Variants in CFAP46 observed in about 807,000 individuals in gnomAD.
CFAP46 encodes the protein cilia- and flagella-associated protein 46.
CFAP46 carries 245 observed loss-of-function variants against 325.7 expected under a neutral mutation model. The observed-to-expected ratio is 0.75, with a 90% CI of 0.68 to 0.84. The LOEUF (loss-of-function observed/expected upper bound fraction) is 0.84. CFAP46 is among the 40% of genes least tolerant of loss of function. CFAP46 has a pLI of 0.00. For synonymous variants in CFAP46, 1,523 were observed against 1,495.9 expected (o/e 1.02, Z -0.42); for missense variants, 3,346 against 3,543.0 (o/e 0.94, Z 1.41).
intron 44 of CFAP46, among the ~76,000 whole-genome samples, chr10:132,843,073 G>A (rs1409510033): frequency 2.0e-5 from 3 of 152,176 alleles, no homozygotes; most frequent in African/African-American, 7.2e-5. Context: ...CTCAGACAGG[G>A]TCTTTTCTTC....
chr10:132,891,826 T>A (rs1172421272), intron 25 of CFAP46, among the ~76,000 whole-genome samples: 2 of 152,214 alleles, frequency 1.3e-5, no homozygotes, highest in African/African-American at 4.8e-5. Context: ...AAATTGTCAA[T>A]CAGAAAATCT....
At chr10:132,858,427 A>G (rs1193860280) in intron 38 of CFAP46, among the ~76,000 whole-genome samples, 1 of 122,120 alleles carries the variant, frequency 8.2e-6, no homozygotes, top group African/African-American at 3.3e-5. Context: ...GGGCGGGGCC[A>G]GGGAGGCTTT....
chr10:132,841,314 A>T (rs780528024), intron 44 of CFAP46, among the ~76,000 whole-genome samples: 12 of 152,214 alleles, frequency 7.9e-5, no homozygotes, highest in Non-Finnish European at 1.8e-4. Context: ...TGGAGGCTCG[A>T]AGCAAGCCCC....
chr10:132,921,701 G>A lies in CFAP46; in HGVS notation c.1606+403C>T, dbSNP rs114610906. ...CTGACTGGTGTCCTTCCAAAGGGAG[G>A]AAACGAGGACACAGACCCCCAGAGG... On this transcript the variant is annotated intron_variant, in intron 13 of 57. Transcript: ENST00000368586. Among the ~76,000 whole-genome samples, 259 of 152,358 alleles carry A rather than the reference G, an allele frequency of 1.7e-3. 2 individuals carry two copies. The highest frequency in any genetic ancestry group is 6.0e-3 in the African/African-American group (249 of 41,594).
intron 17 of CFAP46, among the ~76,000 whole-genome samples, chr10:132,915,866 G>A (rs193213137): frequency 3.3e-5 from 5 of 152,214 alleles, no homozygotes; most frequent in East Asian, 1.9e-4. Flanking sequence ...TGATCACCAC[G>A]TTACACAGAT....
rs995662738 is a variant in CFAP46, at chr10:132,919,168, T to C, written c.1858+147A>G. On this transcript the variant is annotated intron_variant, in intron 15 of 57. Coordinates refer to ENST00000368586, the MANE Select transcript of CFAP46 (RefSeq NM_001200049.3). This position sits in a 1 kb window ranked among gnomAD's most constrained non-coding sequence, Gnocchi z 9.7. Reference sequence around the variant, plus strand: ...CCCCATGATTGGCGGTCCTGATAATTAGTGGGAACTGCTACCATTGTGACT... The same window carrying C: ...CCCCATGATTGGCGGTCCTGATAATCAGTGGGAACTGCTACCATTGTGACT... The C allele has an allele frequency of 1.0e-5, 9 of 872,558 alleles. No individual in the cohort carries two copies. The highest frequency in any genetic ancestry group is 1.5e-5 in the Non-Finnish European group (9 of 614,950). 54.1% of individuals were successfully genotyped at this position (872,558 alleles called of 1,614,324 possible).
rs1564789438 is a variant in CFAP46 at position 132,884,967 on chromosome 10, A to C, written c.3627+136T>G. ...AGGAGTGCCCGGGGCCACGCGGTGC[A>C]TTCTCTGTGCCCGTCAGCTGTGGCT... is the stretch of plus-strand genomic sequence containing the variant. On this transcript the variant is annotated intron_variant, in intron 27 of 57. Coordinates refer to ENST00000368586, the MANE Select transcript of CFAP46 (RefSeq NM_001200049.3). The surrounding 1 kb of genome is among the most constrained non-coding windows in gnomAD (Gnocchi z 5.4). The C allele has an allele frequency of 9.5e-6, 9 of 943,406 alleles. No individual in the cohort carries two copies. Among genetic ancestry groups the C allele is most frequent in the Non-Finnish European group, 1.4e-5 (9 of 650,536 alleles). The allele number at this position is 943,406 out of a possible 1,614,324, so 58.4% of individuals were successfully genotyped here.
chr10:132,854,328 T>G (rs1848607274), intron 39 of CFAP46, among the ~76,000 whole-genome samples: 1 of 147,010 alleles, frequency 6.8e-6, no homozygotes, highest in Non-Finnish European at 1.5e-5. Context: ...TTTCTGTGTT[T>G]TGTTTTGTTT....
chr10:132,860,684 C>G, intron 36 of CFAP46, 98 bp downstream of exon 36: 2 of 1,349,128 alleles, frequency 1.5e-6, no homozygotes, highest in Non-Finnish European at 2.0e-6. Flanking sequence ...GGCGTGTCAT[C>G]AGCGGTCTGC....
chr10:132,927,374 C>T (rs548187554), intron 9 of CFAP46, among the ~76,000 whole-genome samples: 2 of 152,144 alleles, frequency 1.3e-5, no homozygotes, highest in South Asian at 4.2e-4. Context: ...CGCCTCCGTC[C>T]CGGGGAGCAG....
At position 132,848,973 on chromosome 10, in the gene CFAP46, C is replaced by A. The variant is rs187075227; in HGVS notation, c.5952+1271G>T. 6.3e-3 allele frequency among the ~76,000 whole-genome samples: 957 copies of A among 152,266 alleles called. 11 individuals carry two copies. The highest frequency in any genetic ancestry group is 0.021 in the African/African-American group (874 of 41,546). ...ATACAGCCTTGAATACAAGAAAAAA[C>A]CCAGAAAAACCTTGATTTAAGCTTT... On this transcript the variant is annotated intron_variant, in intron 41 of 57. Transcript: ENST00000368586.
intron 34 of CFAP46, among the ~76,000 whole-genome samples, chr10:132,866,665 C>T (rs1684256250): frequency 6.6e-6 from 1 of 152,060 alleles, no homozygotes; most frequent in South Asian, 2.1e-4. Context: ...GCAGAGCCCC[C>T]GGCCTGGGGC....
intron 18 of CFAP46, 61 bp downstream of exon 18, chr10:132,912,985 T>C: frequency 6.5e-7 from 1 of 1,527,438 alleles, no homozygotes; most frequent in Non-Finnish European, 8.8e-7. Context: ...CTGCCTTTGC[T>C]CTGGGGTCTC....
At chr10:132,931,277 A>G (rs543188346) in intron 8 of CFAP46, among the ~76,000 whole-genome samples, 26 of 50,212 alleles carry the variant, frequency 5.2e-4, no homozygotes, top group Admixed American at 7.9e-4. Flanking sequence ...GGCCTTCCCC[A>G]CACTCCCCAC....
intron 44 of CFAP46, among the ~76,000 whole-genome samples, chr10:132,838,671 C>T (rs1289262025): frequency 6.6e-6 from 1 of 152,266 alleles, no homozygotes; most frequent in Non-Finnish European, 1.5e-5. Context: ...TGGGTGGCTT[C>T]CCGTCAATGG....
chr10:132,920,279 G>A, intron 13 of CFAP46, 97 bp from the exon 14 acceptor site: 2 of 1,385,466 alleles, frequency 1.4e-6, no homozygotes, highest in Non-Finnish European at 1.9e-6. Flanking sequence ...CGCCGGGGTG[G>A]CCACCCACAG....
intron 22 of CFAP46, among the ~76,000 whole-genome samples, chr10:132,903,701 G>A (rs544052273): frequency 1.1e-4 from 16 of 152,140 alleles, no homozygotes; most frequent in African/African-American, 3.6e-4. Flanking sequence ...TTTCAAGGCC[G>A]GAACTAGGTG....
Position 132,849,965 on chromosome 10 carries a change from C to T in CFAP46, c.5952+279G>A, listed in dbSNP as rs375725712. Reference sequence around the variant, plus strand: ...CACAGGGCTTGATTGGGGCGGGCCGCGTGCTGGGGCGGGCTGGCTCTGTGC... The same window carrying T: ...CACAGGGCTTGATTGGGGCGGGCCGTGTGCTGGGGCGGGCTGGCTCTGTGC... On this transcript the variant is annotated intron_variant, in intron 41 of 57. Transcript: ENST00000368586. Among the ~76,000 whole-genome samples, 26 of 152,280 alleles carry T rather than the reference C, an allele frequency of 1.7e-4. No homozygotes were observed. The East Asian group carries it at 3.1e-3, about 18-fold the overall frequency.
intron 11 of CFAP46, among the ~76,000 whole-genome samples, chr10:132,924,062 T>G (rs1320911594): frequency 6.6e-6 from 1 of 152,008 alleles, no homozygotes; most frequent in East Asian, 1.9e-4. Flanking sequence ...GGCTGAGCCC[T>G]CCCAACAAGA....
Sources: gnomAD v4.1 joint callset for allele counts (sites outside exome capture counted in the v4.1 genomes callset) on GRCh38, gnomAD v4.1.1 for gene constraint, Gnocchi (gnomAD v3.1) non-coding constraint, MANE v1.5 for transcripts, NCBI Gene and HGNC (gene_info 2026-07-23, HGNC 2026-07-21) for gene names.